The following DYM variants were observed in gnomAD, a reference collection of about 807,000 sequenced individuals.
The protein encoded by DYM is dymeclin, also known as dyggve-Melchior-Clausen syndrome protein.
In DYM, 78 loss-of-function variants were observed where a neutral mutation model predicts 93.1. That is an observed-to-expected ratio of 0.84 (90% CI 0.70 to 1.01). The LOEUF (loss-of-function observed/expected upper bound fraction) is 1.01. DYM is among the 50% of genes least tolerant of loss of function. The pLI is 0.00. For synonymous variants in DYM, 321 were observed against 319.7 expected, an observed-to-expected ratio of 1.00 and a Z score of -0.04; for missense variants, 789 against 845.0, an observed-to-expected ratio of 0.93 and a Z score of 0.82.
intron 17 of DYM, among the ~76,000 whole-genome samples, chr18:49,046,407 CAA>C (rs1352420153): frequency 6.7e-6 from 1 of 150,124 alleles, no homozygotes; most frequent in African/African-American, 2.5e-5. Flanking sequence ...ACAAAACACA[CAA>C]GACACATACA....
chr18:49,299,307 A>G (rs1035872010), intron 8 of DYM, among the ~76,000 whole-genome samples: 11 of 152,262 alleles, frequency 7.2e-5, no homozygotes, highest in African/African-American at 2.7e-4. Context: ...GTCATTCTAA[A>G]GTGAACTAAG....
At chr18:49,333,577 G>A (rs1221205127) in intron 7 of DYM, 151 bp downstream of exon 7, 8 of 776,530 alleles carry the variant, frequency 1.0e-5, no homozygotes, top group East Asian at 2.7e-5. Context: ...AGTAGAATGC[G>A]GTTCCCTATG....
chr18:49,039,766 T>C lies in DYM; in HGVS notation c.*4289A>G, dbSNP rs1352504459. On this transcript the variant is annotated 3_prime_UTR_variant, in exon 18 of 18. Coordinates refer to ENST00000675505, the MANE Select transcript of DYM (RefSeq NM_001353214.3). ...GCCTTTTACAGTTTCTAACTCTCTG[T>C]TGAAATTCTTGACCATGCGTCTCAT... 6.6e-6 allele frequency among the ~76,000 whole-genome samples: 1 copy of C among 152,260 alleles called. No individual in the cohort carries two copies. The highest frequency in any genetic ancestry group is 2.4e-5 in the African/African-American group (1 of 41,484).
At chr18:49,158,112 T>C (rs769087914) in intron 15 of DYM, among the ~76,000 whole-genome samples, 3 of 152,158 alleles carry the variant, frequency 2.0e-5, no homozygotes, top group South Asian at 2.1e-4. Context: ...TTGAAAAATA[T>C]TACCCAGCTC....
chr18:49,051,143 G>A (rs537103996), intron 17 of DYM, among the ~76,000 whole-genome samples: 1 of 152,192 alleles, frequency 6.6e-6, no homozygotes, highest in African/African-American at 2.4e-5. Flanking sequence ...CCCTTAGAAT[G>A]TCTGTGGCCA....
At chr18:49,100,248 C>T (rs1256033957) in intron 16 of DYM, among the ~76,000 whole-genome samples, 1 of 152,086 alleles carries the variant, frequency 6.6e-6, no homozygotes, top group African/African-American at 2.4e-5. Context: ...TTAGTGCAAT[C>T]TCTGGGGCAT....
intron 8 of DYM, among the ~76,000 whole-genome samples, chr18:49,300,248 CTT>C (rs1410925432): frequency 4.0e-5 from 6 of 151,326 alleles, no homozygotes; most frequent in Non-Finnish European, 7.4e-5. Context: ...AAATAATAAA[CTT>C]AACGTTAACA....
intron 17 of DYM, among the ~76,000 whole-genome samples, chr18:49,054,399 G>C (rs1342063406): frequency 1.3e-5 from 2 of 152,012 alleles, no homozygotes; most frequent in Admixed American, 1.3e-4. Flanking sequence ...ATGCCACTAC[G>C]CCCGGCTAAT....
At chr18:49,397,712 C>A (rs981923480) in intron 2 of DYM, among the ~76,000 whole-genome samples, 5 of 152,106 alleles carry the variant, frequency 3.3e-5, no homozygotes, top group African/African-American at 1.2e-4. Context: ...TTAGTTCTAG[C>A]CATGTGTAAT....
At chr18:49,278,817 A>G (rs2094906647) in intron 10 of DYM, among the ~76,000 whole-genome samples, 1 of 152,188 alleles carries the variant, frequency 6.6e-6, no homozygotes, top group Non-Finnish European at 1.5e-5. Flanking sequence ...GCTATGACTG[A>G]AGCCAAAAAA....
At chr18:49,067,412 T>TGTG (rs2076535814) in intron 17 of DYM, among the ~76,000 whole-genome samples, 1 of 148,500 alleles carries the variant, frequency 6.7e-6, no homozygotes, top group Non-Finnish European at 1.5e-5. Context: ...ATGTGAGTGT[T>TGTG]ATGGAGGTTC....
chr18:49,336,089 C>T (rs545752090), intron 6 of DYM, among the ~76,000 whole-genome samples: 1 of 152,208 alleles, frequency 6.6e-6, no homozygotes, highest in Non-Finnish European at 1.5e-5. Flanking sequence ...GCTGGGATTA[C>T]AGGCATGAGC....
At chr18:49,203,477 C>A (rs2092268155) in intron 14 of DYM, among the ~76,000 whole-genome samples, 1 of 148,596 alleles carries the variant, frequency 6.7e-6, no homozygotes, top group Non-Finnish European at 1.5e-5. Flanking sequence ...AAGAAGTAGA[C>A]ATGGGAGACT....
intron 13 of DYM, among the ~76,000 whole-genome samples, chr18:49,249,902 C>T (rs1010347369): frequency 2.0e-5 from 3 of 152,200 alleles, no homozygotes; most frequent in Non-Finnish European, 2.9e-5. Flanking sequence ...TCAGAAATAA[C>T]TGTATTGCTC....
At chr18:49,285,304 C>T (rs553726781) in intron 9 of DYM, among the ~76,000 whole-genome samples, 3 of 152,228 alleles carry the variant, frequency 2.0e-5, no homozygotes, top group South Asian at 2.1e-4. Flanking sequence ...TCAGAATAAC[C>T]CGGAAGAATC....
chr18:49,232,738 A>G (rs2093740343), intron 13 of DYM, among the ~76,000 whole-genome samples: 1 of 150,200 alleles, frequency 6.7e-6, no homozygotes, highest in Non-Finnish European at 1.5e-5. Context: ...CCTCTCAAGT[A>G]GCTGGGATTA....
chr18:49,064,352 A>G (rs2076227974), intron 17 of DYM, among the ~76,000 whole-genome samples: 1 of 152,232 alleles, frequency 6.6e-6, no homozygotes, highest in Non-Finnish European at 1.5e-5. Flanking sequence ...TTTTAAGCTA[A>G]TCTTTTTATT....
chr18:49,120,003 T>C (rs929629428), intron 15 of DYM, among the ~76,000 whole-genome samples: 5 of 143,606 alleles, frequency 3.5e-5, no homozygotes, highest in African/African-American at 1.3e-4. Context: ...GGCTTAAGCC[T>C]GAGAGGTGGA....
At chr18:49,432,491 T>TA (rs200087440) in intron 1 of DYM, among the ~76,000 whole-genome samples, 58 of 145,608 alleles carry the variant, frequency 4.0e-4, no homozygotes, top group Middle Eastern at 3.6e-3. Context: ...ATAAAATGTT[T>TA]AAAAAAAAAA....
Sources: gnomAD v4.1 joint callset for allele counts (sites outside exome capture counted in the v4.1 genomes callset) on GRCh38, gnomAD v4.1.1 for gene constraint, MANE v1.5 for transcripts, NCBI Gene and HGNC (gene_info 2026-07-23, HGNC 2026-07-21) for gene names.